DLGAP2: variants seen among roughly 807,000 people sequenced by gnomAD.
DLGAP2 encodes the protein disks large-associated protein 2.
A neutral mutation model predicts 100.3 loss-of-function variants in DLGAP2; 26 were observed. The observed-to-expected ratio is 0.26, with a 90% confidence interval of 0.19 to 0.36. The LOEUF is 0.36. DLGAP2 is among the 10% of genes least tolerant of loss of function. The pLI is 1.00. For synonymous variants in DLGAP2, 886 were observed against 630.1 expected (o/e 1.41, Z -6.08); for missense variants, 1,858 against 1,453.2 (o/e 1.28, Z -4.53).
chr8:1,556,809 C>G (rs535262039), intron 5 of DLGAP2, among the ~76,000 whole-genome samples: 2 of 152,194 alleles, frequency 1.3e-5, no homozygotes, highest in African/African-American at 4.8e-5. Context: ...AAAGGAAAGA[C>G]TTCCCACCCA....
intron 6 of DLGAP2, among the ~76,000 whole-genome samples, chr8:1,572,556 G>C (rs1251577160): frequency 7.7e-6 from 1 of 130,112 alleles, no homozygotes; most frequent in African/African-American, 3.0e-5. Flanking sequence ...TGATGAGATG[G>C]AGAGGAGAGA....
intron 3 of DLGAP2, among the ~76,000 whole-genome samples, chr8:1,480,336 T>A (rs917158438): frequency 5.3e-5 from 8 of 152,152 alleles, no homozygotes; most frequent in Non-Finnish European, 8.8e-5. Flanking sequence ...GGATGGGTGA[T>A]GGGGGCATCT....
chr8:1,461,938 C>T (rs1164654604), intron 3 of DLGAP2, among the ~76,000 whole-genome samples: 4 of 7,768 alleles, frequency 5.1e-4, no homozygotes. Flanking sequence ...GTGGGCTGGG[C>T]ACAGTCGCTG....
intron 1 of DLGAP2, among the ~76,000 whole-genome samples, chr8:829,606 ATTTT>A (rs1471713900): frequency 6.6e-6 from 1 of 152,234 alleles, no homozygotes; most frequent in African/African-American, 2.4e-5. Flanking sequence ...ACTATAAATT[ATTTT>A]GTCAGTTATT....
intron 5 of DLGAP2, among the ~76,000 whole-genome samples, chr8:1,551,983 C>T (rs1801783979): frequency 6.6e-6 from 1 of 152,162 alleles, no homozygotes; most frequent in African/African-American, 2.4e-5. Flanking sequence ...CCTCTCTTTC[C>T]TCTCTTCCTC....
rs1798413587 is a variant in DLGAP2 at position 907,945 on chromosome 8, A to G, written c.52A>G (p.Ile18Val). ...LPGILQKHCCILPDRNTESQC... is the reference protein window; with the variant it reads ...LPGILQKHCCVLPDRNTESQC... ...TGGCATTCTGCAGAAGCATTGCTGT[A>G]TCTTACCAGACAGGAATACAGGTAA... The change falls in exon 2 of 15, where the codon ATC (isoleucine) becomes GTC (valine). Residue 18 changes from isoleucine to valine, a missense_variant. Physicochemically the swap from Ile to Val is conservative, Grantham distance 29. Coordinates refer to ENST00000637795, the MANE Select transcript of DLGAP2 (RefSeq NM_001346810.2). 2.0e-5 allele frequency: 8 copies of G among 398,902 alleles called. No homozygotes were observed. Among genetic ancestry groups the G allele is most frequent in the Admixed American group, 8.8e-5 (2 of 22,724 alleles). 24.7% of individuals were successfully genotyped at this position (398,902 alleles called of 1,614,324 possible). A position where few individuals can be genotyped will look rare whatever the true frequency, so the allele number is the denominator to read the frequency against.
intron 3 of DLGAP2, among the ~76,000 whole-genome samples, chr8:1,374,444 G>C (rs921783242): frequency 1.3e-5 from 2 of 152,178 alleles, no homozygotes; most frequent in Non-Finnish European, 2.9e-5. Flanking sequence ...CTTCTCTGTA[G>C]GATGATTGCG....
intron 6 of DLGAP2, among the ~76,000 whole-genome samples, chr8:1,579,116 G>C (rs1005083134): frequency 6.6e-6 from 1 of 152,134 alleles, no homozygotes; most frequent in Non-Finnish European, 1.5e-5. Context: ...TTCATTTGGA[G>C]GCCTTTGCTT....
intron 1 of DLGAP2, among the ~76,000 whole-genome samples, chr8:766,027 C>T (rs753971248): frequency 2.6e-5 from 4 of 152,074 alleles, no homozygotes; most frequent in Non-Finnish European, 4.4e-5. Flanking sequence ...ATCAGCTGGG[C>T]GTGGTGGCAT....
intron 2 of DLGAP2, among the ~76,000 whole-genome samples, chr8:1,027,112 T>A (rs1223906777): frequency 1.3e-5 from 2 of 152,354 alleles, no homozygotes; most frequent in African/African-American, 2.4e-5. Flanking sequence ...GGTTTTTTTT[T>A]ACGTAAATTG....
intron 2 of DLGAP2, among the ~76,000 whole-genome samples, chr8:1,099,052 A>C (rs1186382643): frequency 6.6e-6 from 1 of 152,142 alleles, no homozygotes; most frequent in Non-Finnish European, 1.5e-5. Flanking sequence ...ATTTTAGAAA[A>C]TACTGTTCTT....
chr8:1,204,283 T>A (rs1797944434), intron 2 of DLGAP2, among the ~76,000 whole-genome samples: 1 of 152,176 alleles, frequency 6.6e-6, no homozygotes, highest in Non-Finnish European at 1.5e-5. Flanking sequence ...GATGAGACAA[T>A]CTCATCATCT....
At chr8:1,624,818 G>T (rs1797448058) in intron 6 of DLGAP2, among the ~76,000 whole-genome samples, 1 of 150,900 alleles carries the variant, frequency 6.6e-6, no homozygotes, top group African/African-American at 2.5e-5. Context: ...ATTAGAATCA[G>T]CTCAAAACTA....
intron 6 of DLGAP2, among the ~76,000 whole-genome samples, chr8:1,571,756 C>T (rs550214375): frequency 1.1e-4 from 12 of 113,288 alleles, no homozygotes; most frequent in Non-Finnish European, 1.8e-4. Flanking sequence ...AGAGGGTGAA[C>T]TGTGGGGGCG....
chr8:1,248,551 G>A (rs1188374054), intron 2 of DLGAP2: 2 of 109,616 alleles, frequency 1.8e-5, no homozygotes, highest in Non-Finnish European at 3.9e-5. Flanking sequence ...CAGTGTGTGA[G>A]TCTGATAGTC....
At chr8:1,339,261 G>T (rs112957622) in intron 3 of DLGAP2, among the ~76,000 whole-genome samples, 1 of 146,664 alleles carries the variant, frequency 6.8e-6, no homozygotes, top group South Asian at 2.2e-4. Context: ...TCAGCGAGGC[G>T]TCAGGACCCG....
chr8:1,616,226 A>T (rs1395731138), intron 6 of DLGAP2, among the ~76,000 whole-genome samples: 1 of 152,006 alleles, frequency 6.6e-6, no homozygotes, highest in Admixed American at 6.6e-5. Context: ...GTAAGATATT[A>T]AAAAAAAGAA....
At chr8:1,041,199 A>C (rs567235444) in intron 2 of DLGAP2, among the ~76,000 whole-genome samples, 28 of 152,300 alleles carry the variant, frequency 1.8e-4, no homozygotes, top group African/African-American at 6.5e-4. Flanking sequence ...ATAAGTCCCC[A>C]CCCATGTTGT....
At chr8:1,193,711 C>T (rs1797689158) in intron 2 of DLGAP2, among the ~76,000 whole-genome samples, 1 of 152,124 alleles carries the variant, frequency 6.6e-6, no homozygotes, top group African/African-American at 2.4e-5. Context: ...GCCCTCTCTG[C>T]ACCTGAGACT....
Sources: allele counts gnomAD v4.1 joint callset (sites outside exome capture counted in the v4.1 genomes callset), GRCh38; gene constraint gnomAD v4.1.1; transcripts MANE v1.5; gene names NCBI Gene and HGNC (gene_info 2026-07-23, HGNC 2026-07-21).